The following KCNIP4 variants were observed in gnomAD, a reference collection of about 807,000 sequenced individuals.
The protein encoded by KCNIP4 is Kv channel-interacting protein 4.
A neutral mutation model predicts 34.0 loss-of-function variants in KCNIP4; 12 were observed. The ratio of observed to expected loss-of-function variants is 0.35; its 90% CI spans 0.23 to 0.57. The LOEUF is 0.57. KCNIP4 is among the 20% of genes least tolerant of loss of function. The pLI, the probability that KCNIP4 is intolerant of heterozygous loss-of-function variation, is 0.83. For synonymous variants in KCNIP4, 124 were observed against 102.2 expected, an observed-to-expected ratio of 1.21 and a Z score of -1.29; for missense variants, 238 against 311.7, an observed-to-expected ratio of 0.76 and a Z score of 1.78.
At chr4:21,706,695 T>C (rs1713296487) in intron 1 of KCNIP4, among the ~76,000 whole-genome samples, 1 of 152,156 alleles carries the variant, frequency 6.6e-6, no homozygotes, top group Non-Finnish European at 1.5e-5. Flanking sequence ...AAGAAGACTC[T>C]TCTCACAGTG....
At chr4:21,879,997 G>A (rs1280312710) in intron 1 of KCNIP4, among the ~76,000 whole-genome samples, 1 of 152,098 alleles carries the variant, frequency 6.6e-6, no homozygotes, top group Non-Finnish European at 1.5e-5. Context: ...CACCATGATT[G>A]TAAGTTTCCT....
chr4:21,841,042 T>C (rs1723646567), intron 1 of KCNIP4, among the ~76,000 whole-genome samples: 1 of 152,218 alleles, frequency 6.6e-6, no homozygotes, highest in South Asian at 2.1e-4. Flanking sequence ...CCATTATAAA[T>C]TGCTTTTTAT....
At chr4:21,474,873 C>T (rs970481617) in intron 1 of KCNIP4, among the ~76,000 whole-genome samples, 1 of 151,326 alleles carries the variant, frequency 6.6e-6, no homozygotes, top group Non-Finnish European at 1.5e-5. Context: ...TGGTAGCAGG[C>T]GCCTGTAATA....
At chr4:21,673,503 A>G (rs934552846) in intron 1 of KCNIP4, among the ~76,000 whole-genome samples, 2 of 152,278 alleles carry the variant, frequency 1.3e-5, no homozygotes, top group Non-Finnish European at 2.9e-5. Flanking sequence ...ATAAGAATAA[A>G]ATATTTTATT....
At chr4:20,982,137 A>C (rs62293764) in intron 1 of KCNIP4, among the ~76,000 whole-genome samples, 10 of 152,196 alleles carry the variant, frequency 6.6e-5, no homozygotes, top group Non-Finnish European at 1.3e-4. Context: ...TTTCTACATT[A>C]TTAACTTTGA....
At position 21,383,927 on chromosome 4, in the gene KCNIP4, G is replaced by C. The variant is rs182352390; in HGVS notation, c.62-501218C>G. Among the ~76,000 whole-genome samples the C allele has an allele frequency of 1.2e-3, 177 of 152,216 alleles. 1 individual carries two copies. Among genetic ancestry groups the C allele is most frequent in the Non-Finnish European group, 1.6e-3 (111 of 68,008 alleles). ...ACCTCTTACCTGCAAAGTTTGATATGATCTAGCTCATGCCTACCTCTCATA... is the reference window on the plus strand; with the variant it reads ...ACCTCTTACCTGCAAAGTTTGATATCATCTAGCTCATGCCTACCTCTCATA... On this transcript the variant is annotated intron_variant, in intron 1 of 8. Transcript: ENST00000382152.
intron 1 of KCNIP4, among the ~76,000 whole-genome samples, chr4:21,317,616 T>C (rs1391554195): frequency 6.6e-6 from 1 of 152,216 alleles, no homozygotes. Flanking sequence ...TGAGAAGCTA[T>C]ATTATGGTTA....
At chr4:21,779,634 T>G (rs974410016) in intron 1 of KCNIP4, among the ~76,000 whole-genome samples, 1 of 152,132 alleles carries the variant, frequency 6.6e-6, no homozygotes, top group Non-Finnish European at 1.5e-5. Context: ...ACCAGCACGA[T>G]AGTTCACGTC....
intron 1 of KCNIP4, among the ~76,000 whole-genome samples, chr4:21,148,255 A>G (rs1195318292): frequency 1.3e-5 from 2 of 152,196 alleles, no homozygotes; most frequent in African/African-American, 4.8e-5. Flanking sequence ...TGTATATTAT[A>G]AAGAACAATC....
intron 1 of KCNIP4, among the ~76,000 whole-genome samples, chr4:21,114,205 AC>A (rs1249708359): frequency 6.6e-6 from 1 of 152,214 alleles, no homozygotes; most frequent in Non-Finnish European, 1.5e-5. Context: ...CAGAGATTCT[AC>A]AAATCTTTGA....
intron 1 of KCNIP4, among the ~76,000 whole-genome samples, chr4:21,422,235 G>T (rs749125488): frequency 6.9e-6 from 1 of 145,938 alleles, no homozygotes; most frequent in African/African-American, 2.6e-5. Context: ...TCGCTTTGTC[G>T]CCCAGGCTGG....
chr4:21,490,761 T>C (rs770845694), intron 1 of KCNIP4, among the ~76,000 whole-genome samples: 18 of 152,206 alleles, frequency 1.2e-4, no homozygotes, highest in Non-Finnish European at 2.6e-4. Context: ...TACAGCTTGA[T>C]GCAAATGAAA....
intron 1 of KCNIP4, among the ~76,000 whole-genome samples, chr4:21,289,029 A>C (rs1222758120): frequency 6.6e-6 from 1 of 152,192 alleles, no homozygotes; most frequent in African/African-American, 2.4e-5. Context: ...TTTGGATGAA[A>C]ACACAAGGCT....
At chr4:20,826,261 T>C (rs1387170700) in intron 3 of KCNIP4, among the ~76,000 whole-genome samples, 1 of 152,078 alleles carries the variant, frequency 6.6e-6, no homozygotes, top group Non-Finnish European at 1.5e-5. Flanking sequence ...AAGGAGCTTA[T>C]AGAAAGTGAG....
At chr4:21,215,238 C>G (rs80102025) in intron 1 of KCNIP4, among the ~76,000 whole-genome samples, 1 of 152,054 alleles carries the variant, frequency 6.6e-6, no homozygotes, top group Non-Finnish European at 1.5e-5. Context: ...TGGCTTAGAA[C>G]GTATCTTCAT....
At chr4:21,117,299 CCGGGGG>C (rs1560737484) in intron 1 of KCNIP4, among the ~76,000 whole-genome samples, 3 of 64,588 alleles carry the variant, frequency 4.6e-5, no homozygotes, top group Non-Finnish European at 8.6e-5. Flanking sequence ...GCCGGGGTTG[CCGGGGG>C]GGGGGGGGGG....
chr4:21,694,943 A>AAAAAAAAAAC (rs1560637409), intron 1 of KCNIP4, among the ~76,000 whole-genome samples: 12 of 45,332 alleles, frequency 2.6e-4, no homozygotes, highest in Non-Finnish European at 3.5e-4. Flanking sequence ...AAAATAAATA[A>AAAAAAAAAAC]ATAAATAAAG....
chr4:21,880,565 G>C (rs894854193), intron 1 of KCNIP4, among the ~76,000 whole-genome samples: 5 of 152,036 alleles, frequency 3.3e-5, no homozygotes, highest in African/African-American at 2.4e-5. Context: ...TTCTTCCTTG[G>C]TCATTGTTAT....
At chr4:21,899,741 A>C (rs1173537366) in intron 1 of KCNIP4, among the ~76,000 whole-genome samples, 1 of 152,198 alleles carries the variant, frequency 6.6e-6, no homozygotes, top group Non-Finnish European at 1.5e-5. Flanking sequence ...AAAGAAAGGA[A>C]GGAACTCTAC....
Sources: gnomAD v4.1 joint callset for allele counts (sites outside exome capture counted in the v4.1 genomes callset) on GRCh38, gnomAD v4.1.1 for gene constraint, MANE v1.5 for transcripts, NCBI Gene and HGNC (gene_info 2026-07-23, HGNC 2026-07-21) for gene names.